KLF3: variants seen among roughly 807,000 people sequenced by gnomAD.
KLF3 encodes the protein Krueppel-like factor 3.
KLF3 carries 6 observed loss-of-function variants against 32.7 expected under a neutral mutation model. The observed-to-expected ratio is 0.18, with a 90% CI of 0.10 to 0.36. The LOEUF is 0.36. Among genes scored for constraint, KLF3 ranks in the 10% least tolerant of loss-of-function variants. The probability of loss-of-function intolerance (pLI) is 1.00; values close to 1 mark genes in which losing one functional copy is unlikely to be tolerated. For missense variants in KLF3, 338 were observed against 449.7 expected, an observed-to-expected ratio of 0.75 and a Z score of 2.25; for synonymous variants, 145 against 172.8, an observed-to-expected ratio of 0.84 and a Z score of 1.26.
chr4:38,676,053 C>T (rs1159120954), intron 1 of KLF3, among the ~76,000 whole-genome samples: 2 of 152,148 alleles, frequency 1.3e-5, no homozygotes, highest in African/African-American at 4.8e-5. Context: ...ACAGAAGCCT[C>T]ATTTCTGTTC....
At chr4:38,690,287 A>G (rs1178349417) in intron 4 of KLF3, 5 of 162,486 alleles carry the variant, frequency 3.1e-5, no homozygotes, top group African/African-American at 1.2e-4. Context: ...CAGAGTGTAT[A>G]GTATCCTGTA....
At chr4:38,689,247 C>G (rs1649818971) in intron 3 of KLF3, among the ~76,000 whole-genome samples, 176 bp downstream of exon 3, 1 of 147,948 alleles carries the variant, frequency 6.8e-6, no homozygotes, top group South Asian at 2.1e-4. Flanking sequence ...TGGAAGAGAT[C>G]CCAAGAATCA....
At chr4:38,669,797 G>A (rs1026709907) in intron 1 of KLF3, among the ~76,000 whole-genome samples, 3 of 146,656 alleles carry the variant, frequency 2.0e-5, no homozygotes, top group African/African-American at 7.5e-5. Context: ...GGAGGCTGAG[G>A]CAGGAGAATT....
At position 38,680,773 on chromosome 4, in the gene KLF3, G is replaced by A. The variant is rs146585530; in HGVS notation, c.57+91G>A. ...TGAATTATTCCTTGAAATCATGGCC[G>A]GGCGTGGTGGCTCACGCCTGTAATC... On this transcript the variant is annotated intron_variant, in intron 2 of 5. Coordinates refer to ENST00000261438, the MANE Select transcript of KLF3 (RefSeq NM_016531.6). The A allele has an allele frequency of 3.4e-4, 369 of 1,077,512 alleles. 2 individuals are homozygous for A. The African/African-American group carries it at 4.9e-3, about 14-fold the overall frequency. 66.7% of individuals were successfully genotyped at this position (1,077,512 alleles called of 1,614,324 possible).
rs144843725 is a variant in KLF3 at position 38,695,798 on chromosome 4, T to A, written c.856+892T>A. Among the ~76,000 whole-genome samples, 841 of 152,298 alleles carry A rather than the reference T, an allele frequency of 5.5e-3. 9 individuals carry two copies. The highest frequency in any genetic ancestry group is 0.019 in the African/African-American group (809 of 41,562). On this transcript the variant is annotated intron_variant, in intron 5 of 5. Transcript: ENST00000261438. ...GTAAGGCTCATCTCACCTCAAACTCTTTGATGTGGAATTCTAGTTTGACAG... is the reference window on the plus strand; with the variant it reads ...GTAAGGCTCATCTCACCTCAAACTCATTGATGTGGAATTCTAGTTTGACAG...
In KLF3 at chr4:38,671,962, A is replaced by G. The variant is rs1456164212; in HGVS notation, c.-40+7501A>G. 6.6e-6 allele frequency among the ~76,000 whole-genome samples: 1 copy of G among 152,062 alleles called. No homozygotes were observed. Among genetic ancestry groups the G allele is most frequent in the Non-Finnish European group, 1.5e-5 (1 of 68,012 alleles). On this transcript the variant is annotated intron_variant, in intron 1 of 5. Transcript: ENST00000261438. This position sits in a 1 kb window ranked among gnomAD's most constrained non-coding sequence, Gnocchi z 4.4. ...TTTCTTTTTTCTATTTTAGATTTTA[A>G]AGTACAGTAGAGACCTCGACACTAG... is the stretch of plus-strand genomic sequence containing the variant.
rs1342755838 is a variant in KLF3, at chr4:38,697,309, C to G, written c.*46C>G. The G allele has an allele frequency of 6.6e-7, 1 of 1,506,190 alleles. No individual in the cohort carries two copies. Among genetic ancestry groups the G allele is most frequent in the South Asian group, 1.2e-5 (1 of 80,780 alleles). 93.3% of individuals were successfully genotyped at this position (1,506,190 alleles called of 1,614,324 possible). On this transcript the variant is annotated 3_prime_UTR_variant, in exon 6 of 6. Transcript: ENST00000261438. ...AGCGTGACTCCCCACTCACCTGGCT[C>G]TCTCTCTGTCCTGCCTCCCATTATC...
chr4:38,675,554 A>T (rs1340079032), intron 1 of KLF3, among the ~76,000 whole-genome samples: 2 of 152,220 alleles, frequency 1.3e-5, no homozygotes, highest in Non-Finnish European at 2.9e-5. Flanking sequence ...AGAAAAAAAT[A>T]GAACCACATT....
rs113528308 is a variant in KLF3 at position 38,674,004 on chromosome 4, C to A, written c.-39-6583C>A. On this transcript the variant is annotated intron_variant, in intron 1 of 5. Transcript: ENST00000261438. The surrounding 1 kb of genome is among the most constrained non-coding windows in gnomAD (Gnocchi z 4.1). The stretch of plus-strand genomic sequence containing the variant: ...TCATCTGAAATGAAATAATTAACTT[C>A]TTTCCCATTTATAATACACATTAAT... Among the ~76,000 whole-genome samples the A allele has an allele frequency of 1.3e-5, 2 of 152,114 alleles. No homozygotes were observed. Among genetic ancestry groups the A allele is most frequent in the African/African-American group, 4.8e-5 (2 of 41,412 alleles).
intron 1 of KLF3, among the ~76,000 whole-genome samples, chr4:38,673,816 C>T (rs1323694658): frequency 6.6e-6 from 1 of 151,988 alleles, no homozygotes; most frequent in African/African-American, 2.4e-5. Flanking sequence ...AGGGTGTGGG[C>T]AGAATCTTAT....
At chr4:38,679,703 A>G (rs949419104) in intron 1 of KLF3, among the ~76,000 whole-genome samples, 9 of 152,244 alleles carry the variant, frequency 5.9e-5, no homozygotes, top group African/African-American at 1.9e-4. Context: ...GTGCAGAACC[A>G]TACTTGGTGC....
At chr4:38,697,059 C>G (rs1723063152) in intron 5 of KLF3, 23 bp from the exon 6 acceptor site, 1 of 1,549,558 alleles carries the variant, frequency 6.5e-7, no homozygotes, top group South Asian at 1.2e-5. Flanking sequence ...AAAAAAATAG[C>G]TCTTTTCTTT....
chr4:38,673,288 G>A (rs1722253276), intron 1 of KLF3, among the ~76,000 whole-genome samples: 1 of 152,178 alleles, frequency 6.6e-6, no homozygotes, highest in Non-Finnish European at 1.5e-5. Flanking sequence ...CCTGCAGGGT[G>A]GGGCCCCATG....
intron 5 of KLF3, among the ~76,000 whole-genome samples, chr4:38,696,877 CG>C (rs1400142959): frequency 6.6e-6 from 1 of 152,092 alleles, no homozygotes; most frequent in Admixed American, 6.5e-5. Flanking sequence ...ATTCTCCTCC[CG>C]TTTTTTTGGC....
At position 38,680,273 on chromosome 4, in the gene KLF3, G is replaced by T. The variant is rs558983706; in HGVS notation, c.-39-314G>T. ...CCATCACCCAGGCTGGAGTGCAGCGGTGCCATTTCGGCTCACTGCAACCTC... is the reference window on the plus strand; with the variant it reads ...CCATCACCCAGGCTGGAGTGCAGCGTTGCCATTTCGGCTCACTGCAACCTC... On this transcript the variant is annotated intron_variant, in intron 1 of 5. Transcript: ENST00000261438. 7.9e-5 allele frequency among the ~76,000 whole-genome samples: 12 copies of T among 152,120 alleles called. No homozygotes were observed. The South Asian group carries it at 2.3e-3, about 29-fold the overall frequency.
Position 38,697,483 on chromosome 4 carries a change from C to CT in KLF3, c.*234dup, listed in dbSNP as rs759143242. The CT allele has an allele frequency of 0.15, 50,975 of 336,888 alleles. 1 individual carries two copies. Among genetic ancestry groups the CT allele is most frequent in the East Asian group, 0.21 (4,618 of 22,014 alleles). 20.9% of individuals were successfully genotyped at this position (336,888 alleles called of 1,614,324 possible). On this transcript the variant is annotated 3_prime_UTR_variant, in exon 6 of 6. Transcript: ENST00000261438. Reference sequence around the variant, plus strand: ...GGGTCAGACCTAAAGAATGTGAACACTTTTTTTTTTTTTTCTGGGGATGCT... The same window carrying CT: ...GGGTCAGACCTAAAGAATGTGAACACTTTTTTTTTTTTTTTCTGGGGATGCT...
In KLF3 at chr4:38,683,892, G is replaced by C. The variant is rs138087796; in HGVS notation, c.57+3210G>C. 5.2e-4 allele frequency among the ~76,000 whole-genome samples: 79 copies of C among 152,148 alleles called. 1 individual carries two copies. The East Asian group carries it at 0.015, about 28-fold the overall frequency. Reference sequence around the variant, plus strand: ...TCTTTTCTAACAGAAACTTTTCATGGCTTTTTCAAGCCTGGTGGAAAGAGA... The same window carrying C: ...TCTTTTCTAACAGAAACTTTTCATGCCTTTTTCAAGCCTGGTGGAAAGAGA... On this transcript the variant is annotated intron_variant, in intron 2 of 5. Transcript: ENST00000261438.
intron 4 of KLF3, among the ~76,000 whole-genome samples, chr4:38,691,984 G>A (rs1266153653): frequency 6.6e-6 from 1 of 152,200 alleles, no homozygotes; most frequent in Non-Finnish European, 1.5e-5. Flanking sequence ...CCATTTGCTC[G>A]ATTGTGGTGT....
intron 2 of KLF3, among the ~76,000 whole-genome samples, chr4:38,684,179 A>G (rs1196644025): frequency 6.6e-6 from 1 of 152,224 alleles, no homozygotes; most frequent in Non-Finnish European, 1.5e-5. Flanking sequence ...ATGAGAAACT[A>G]TTGCAATTAT....
Sources: allele counts gnomAD v4.1 joint callset (sites outside exome capture counted in the v4.1 genomes callset), GRCh38; gene constraint gnomAD v4.1.1; non-coding constraint Gnocchi (gnomAD v3.1); transcripts MANE v1.5; gene names NCBI Gene and HGNC (gene_info 2026-07-23, HGNC 2026-07-21).